Variants in MPP7 observed in about 807,000 individuals in gnomAD.
MPP7 encodes MAGUK p55 scaffold protein 7, also known as MAGUK p55 subfamily member 7.
In MPP7, 60 loss-of-function variants were observed where a neutral mutation model predicts 76.5. That is an observed-to-expected ratio of 0.78 (90% CI 0.64 to 0.97). The LOEUF (loss-of-function observed/expected upper bound fraction) is 0.97. Among genes scored for constraint, MPP7 ranks in the 50% least tolerant of loss-of-function variants. MPP7 has a pLI of 0.00. For missense variants in MPP7, 641 were observed against 694.0 expected, an observed-to-expected ratio of 0.92 and a Z score of 0.86; for synonymous variants, 237 against 244.5, an observed-to-expected ratio of 0.97 and a Z score of 0.29.
intron 1 of MPP7, among the ~76,000 whole-genome samples, chr10:28,269,067 C>A (rs1193225509): frequency 1.3e-5 from 2 of 152,206 alleles, no homozygotes. Flanking sequence ...TTTCCCATAA[C>A]TATTTCTACT....
At chr10:28,059,406 T>C in intron 14 of MPP7, 1 of 378,440 alleles carries the variant, frequency 2.6e-6, no homozygotes, top group Non-Finnish European at 4.7e-6. Flanking sequence ...ACTTGCAACC[T>C]TCCCTCATTC....
intron 1 of MPP7, among the ~76,000 whole-genome samples, chr10:28,260,094 A>G (rs1451780309): frequency 1.3e-5 from 2 of 152,244 alleles, no homozygotes; most frequent in African/African-American, 4.8e-5. Flanking sequence ...ATTTAACAAA[A>G]CAAACAAAAA....
At chr10:28,173,915 A>C (rs1588884016) in intron 3 of MPP7, among the ~76,000 whole-genome samples, 1 of 152,244 alleles carries the variant, frequency 6.6e-6, no homozygotes, top group African/African-American at 2.4e-5. Context: ...AATAATCATC[A>C]AAATGCCAAC....
chr10:28,069,465 G>T (rs775412364), intron 13 of MPP7, among the ~76,000 whole-genome samples: 1 of 152,002 alleles, frequency 6.6e-6, no homozygotes, highest in Non-Finnish European at 1.5e-5. Context: ...TAAGCTGGGT[G>T]TGGTGGCACG....
At chr10:28,275,873 G>A (rs1313598022) in intron 1 of MPP7, among the ~76,000 whole-genome samples, 2 of 151,864 alleles carry the variant, frequency 1.3e-5, no homozygotes, top group African/African-American at 4.9e-5. Context: ...ATTTTAAAGA[G>A]CAATCTTTAA....
chr10:28,206,128 C>T (rs1190135819), intron 2 of MPP7, among the ~76,000 whole-genome samples: 2 of 152,090 alleles, frequency 1.3e-5, no homozygotes, highest in Non-Finnish European at 2.9e-5. Flanking sequence ...TATAGCAGTA[C>T]AAAACTGACT....
chr10:28,119,791 T>TCTAAC, intron 10 of MPP7, 76 bp from the exon 11 acceptor site: 1 of 1,203,328 alleles, frequency 8.3e-7, no homozygotes, highest in Non-Finnish European at 1.2e-6. Context: ...AAATATTTAG[T>TCTAAC]CTTAAGAAAA....
At chr10:28,186,880 T>C (rs927635914) in intron 3 of MPP7, among the ~76,000 whole-genome samples, 3 of 152,150 alleles carry the variant, frequency 2.0e-5, no homozygotes, top group Admixed American at 1.3e-4. Context: ...CTAGAGAAGC[T>C]AGATGTTTCC....
At chr10:28,191,524 G>A (rs1837411221) in intron 3 of MPP7, among the ~76,000 whole-genome samples, 1 of 152,182 alleles carries the variant, frequency 6.6e-6, no homozygotes, top group Non-Finnish European at 1.5e-5. Flanking sequence ...CTTTTTGAGT[G>A]CTGACAAGGA....
At chr10:28,122,600 C>A (rs916745067) in intron 8 of MPP7, among the ~76,000 whole-genome samples, 1 of 152,152 alleles carries the variant, frequency 6.6e-6, no homozygotes. Flanking sequence ...CCTGAAAATG[C>A]TTTGAGGGGA....
intron 5 of MPP7, among the ~76,000 whole-genome samples, chr10:28,139,563 C>G (rs1835447935): frequency 6.6e-6 from 1 of 152,044 alleles, no homozygotes; most frequent in Non-Finnish European, 1.5e-5. Flanking sequence ...GTTAAAGGTC[C>G]AGTTTCGTTT....
chr10:28,225,153 C>T (rs769969664), intron 2 of MPP7, among the ~76,000 whole-genome samples: 9 of 152,276 alleles, frequency 5.9e-5, no homozygotes, highest in Admixed American at 3.9e-4. Context: ...CCTTACCTCA[C>T]ACCACATACA....
chr10:28,279,754 G>A (rs756161892), intron 1 of MPP7, among the ~76,000 whole-genome samples: 16 of 150,788 alleles, frequency 1.1e-4, no homozygotes, highest in East Asian at 9.8e-4. Context: ...CACTTATTCC[G>A]CACAGGCATC....
chr10:28,223,928 G>C (rs1477020904), intron 2 of MPP7, among the ~76,000 whole-genome samples: 1 of 151,230 alleles, frequency 6.6e-6, no homozygotes, highest in East Asian at 1.9e-4. Flanking sequence ...AGGTGCGGTG[G>C]CTCACACCTG....
chr10:28,232,528 A>C (rs1226134984), intron 2 of MPP7, among the ~76,000 whole-genome samples: 1 of 152,194 alleles, frequency 6.6e-6, no homozygotes, highest in Non-Finnish European at 1.5e-5. Flanking sequence ...CTAGGGAGTT[A>C]ATTTTTTTAA....
At chr10:28,122,739 T>C (rs1394974145) in intron 8 of MPP7, among the ~76,000 whole-genome samples, 1 of 152,172 alleles carries the variant, frequency 6.6e-6, no homozygotes, top group South Asian at 2.1e-4. Flanking sequence ...TTATCATCTC[T>C]ATATATTTTG....
At chr10:28,082,117 A>G (rs1316760038) in intron 12 of MPP7, among the ~76,000 whole-genome samples, 1 of 152,198 alleles carries the variant, frequency 6.6e-6, no homozygotes, top group Non-Finnish European at 1.5e-5. Context: ...ATAAATACAC[A>G]TTGTAGGAGC....
At chr10:28,306,704 TGATA>T (rs757297191), upstream of MPP7, among the ~76,000 whole-genome samples, 119 of 124,782 alleles carry the variant, frequency 9.5e-4, no homozygotes, top group Non-Finnish European at 1.7e-3. Context: ...AATAGATAGT[TGATA>T]GATAGATGAT....
At chr10:28,120,056 A>G in intron 10 of MPP7, 138 bp downstream of exon 10, 1 of 907,626 alleles carries the variant, frequency 1.1e-6, no homozygotes, top group Non-Finnish European at 1.6e-6. Context: ...TAGACAAAAC[A>G]GAAATCCAAA....
Sources: gnomAD v4.1 joint callset for allele counts (sites outside exome capture counted in the v4.1 genomes callset) on GRCh38, gnomAD v4.1.1 for gene constraint, MANE v1.5 for transcripts, NCBI Gene and HGNC (gene_info 2026-07-23, HGNC 2026-07-21) for gene names.